TUBGCP3: variants seen among roughly 807,000 people sequenced by gnomAD.
TUBGCP3 encodes the protein gamma-tubulin complex component 3.
Under a neutral mutation model 123.1 loss-of-function variants are expected in TUBGCP3, and 50 were observed. The observed-to-expected ratio is 0.41, with a 90% CI of 0.32 to 0.51. The LOEUF is 0.51. TUBGCP3 is among the 20% of genes least tolerant of loss of function. The pLI is 0.36. For missense variants in TUBGCP3, 882 were observed against 1,127.0 expected, an observed-to-expected ratio of 0.78 and a Z score of 3.11; for synonymous variants, 405 against 413.9, an observed-to-expected ratio of 0.98 and a Z score of 0.26.
chr13:112,583,802 T>TC (rs1882428446), intron 1 of TUBGCP3, among the ~76,000 whole-genome samples: 1 of 151,886 alleles, frequency 6.6e-6, no homozygotes, highest in South Asian at 2.1e-4. Context: ...GGGGGAGGGG[T>TC]CAGGAGGGCG....
intron 1 of TUBGCP3, among the ~76,000 whole-genome samples, chr13:112,586,694 C>T (rs1052708003): frequency 1.3e-5 from 2 of 152,156 alleles, no homozygotes; most frequent in African/African-American, 4.8e-5. Flanking sequence ...TGCTAATTAA[C>T]ATGGCTGGTT....
At chr13:112,569,085 A>G in intron 2 of TUBGCP3, 67 bp downstream of exon 2, 1 of 1,465,168 alleles carries the variant, frequency 6.8e-7, no homozygotes, top group South Asian at 1.2e-5. Flanking sequence ...ACACATGCAT[A>G]CATACATCTG....
rs1876437615 is a variant in TUBGCP3 at position 112,519,541 on chromosome 13, T to C, written c.1881+345A>G. 6.6e-6 allele frequency among the ~76,000 whole-genome samples: 1 copy of C among 152,208 alleles called. No individual in the cohort carries two copies. Among genetic ancestry groups the C allele is most frequent in the Non-Finnish European group, 1.5e-5 (1 of 68,040 alleles). On this transcript the variant is annotated intron_variant, in intron 15 of 21. Transcript: ENST00000261965. The surrounding 1 kb of genome is among the most constrained non-coding windows in gnomAD (Gnocchi z 6.2). ...CATCGTACACCATGTCTTGTGCTCC[T>C]GTTGGATTTACTATGAGAAGAAAGC... is the stretch of plus-strand genomic sequence containing the variant.
Position 112,569,211 on chromosome 13 carries a change from T to C in TUBGCP3, c.125A>G (p.Asn42Ser), listed in dbSNP as rs763321156. The change falls in exon 2 of 22, where the codon AAC becomes AGC. Residue 42 changes from asparagine (N) to serine (S), a missense_variant. Physicochemically the swap from Asn to Ser is conservative, Grantham distance 46. This residue lies in a region of TUBGCP3 where 713 missense variants were observed against 874.0 expected (regional missense o/e 0.82). Coordinates refer to ENST00000261965, the MANE Select transcript of TUBGCP3 (RefSeq NM_006322.6). Reference protein sequence around the residue: ...FQYAVRVIGSNFAPTVERDEF... With the variant: ...FQYAVRVIGSSFAPTVERDEF... ...ATCTCTTTCAACAGTTGGGGCGAAG[T>C]TGCTGCCAATCACCCGCACAGCATA... 6.2e-6 allele frequency: 10 copies of C among 1,614,066 alleles called. No homozygotes were observed. The highest frequency in any genetic ancestry group is 1.7e-5 in the Admixed American group (1 of 60,010).
chr13:112,519,887 T>A lies in TUBGCP3; in HGVS notation c.1880A>T (p.Glu627Val). The A allele has an allele frequency of 6.2e-7, 1 of 1,613,172 alleles. No homozygotes were observed. Among genetic ancestry groups the A allele is most frequent in the Non-Finnish European group, 8.5e-7 (1 of 1,179,406 alleles). Residue 627 changes from glutamate (E) to valine (V), a missense_variant and splice_region_variant, in exon 15 of 22, where the codon GAG (glutamate) becomes GTG (valine). Around this residue, in one of 3 missense-constraint regions of TUBGCP3, gnomAD observed 713 missense variants for 874.0 expected, o/e 0.82. Coordinates refer to ENST00000261965, the MANE Select transcript of TUBGCP3 (RefSeq NM_006322.6). The surrounding 1 kb of genome is among the most constrained non-coding windows in gnomAD (Gnocchi z 6.2). ...ILRRLDVRLL[E>V]VSPGDTGWDV... is the part of the protein sequence containing the mutation. The stretch of plus-strand genomic sequence containing the variant: ...TCCCAACACGCAGAGCCGCAGTACC[T>A]CCAGCAGCCGCACGTCCAGCCTTCG...
rs761692290 is a variant in TUBGCP3 at position 112,558,361 on chromosome 13, G to A, written c.383C>T (p.Ser128Leu). 2.5e-6 allele frequency: 4 copies of A among 1,606,388 alleles called. No individual in the cohort carries two copies. Among genetic ancestry groups the A allele is most frequent in the Non-Finnish European group, 3.4e-6 (4 of 1,173,638 alleles). The change falls in exon 5 of 22, where the codon TCA (serine) becomes TTA (leucine). Residue 128 changes from serine (S) to leucine (L), a missense_variant. Physicochemically the swap from Ser to Leu is moderately radical, Grantham distance 145 (BLOSUM62 -2). Transcript: ENST00000261965. The part of the protein sequence containing the change: ...FAQALPRDAH[S>L]TPYYYARPQT... ...AGGCCTGGCATAGTAGTAAGGGGTT[G>A]AGTGGGCATCTCTTGGTAAGGCCTG...
rs1251564735 is a variant in TUBGCP3, at chr13:112,511,485, C to G, written c.2086+4955G>C. Among the ~76,000 whole-genome samples the G allele has an allele frequency of 2.0e-5, 3 of 152,262 alleles. No individual in the cohort carries two copies. The highest frequency in any genetic ancestry group is 2.1e-4 in the South Asian group (1 of 4,806). On this transcript the variant is annotated intron_variant, in intron 17 of 21. Transcript: ENST00000261965. The surrounding 1 kb of genome is among the most constrained non-coding windows in gnomAD (Gnocchi z 4.1). ...TCTTTTTGAAGGCAATGAACCGCAG[C>G]TGGGCCGGTACTAAAGGCTGTGCTG...
At chr13:112,565,426 T>C (rs1300315869) in intron 2 of TUBGCP3, among the ~76,000 whole-genome samples, 1 of 152,286 alleles carries the variant, frequency 6.6e-6, no homozygotes, top group African/African-American at 2.4e-5. Context: ...TTAGGTAAAG[T>C]AATAGAAATA....
At chr13:112,501,085 A>T (rs1366618965) in intron 19 of TUBGCP3, among the ~76,000 whole-genome samples, 2 of 152,196 alleles carry the variant, frequency 1.3e-5, no homozygotes, top group South Asian at 2.1e-4. Flanking sequence ...CAACAAAAAC[A>T]ATGTGGACTG....
At chr13:112,532,903 A>G (rs1035398774) in intron 11 of TUBGCP3, among the ~76,000 whole-genome samples, 1 of 152,260 alleles carries the variant, frequency 6.6e-6, no homozygotes, top group African/African-American at 2.4e-5. Context: ...TTATTGTTAA[A>G]AAGTAAAATC....
Position 112,524,410 on chromosome 13 carries a change from A to G in TUBGCP3, c.1556-1901T>C, listed in dbSNP as rs1409307314. Among the ~76,000 whole-genome samples the G allele has an allele frequency of 6.6e-6, 1 of 152,174 alleles. No homozygotes were observed. The highest frequency in any genetic ancestry group is 1.5e-5 in the Non-Finnish European group (1 of 68,030). The stretch of plus-strand genomic sequence containing the variant: ...ACACAAGCAGCAGCAACCTTCATGG[A>G]GAGCCTCCGGCACAGCAGGCGCATG... On this transcript the variant is annotated intron_variant, in intron 13 of 21. Transcript: ENST00000261965. The surrounding 1 kb of genome is among the most constrained non-coding windows in gnomAD (Gnocchi z 4.4).
rs1876146095 is a variant in TUBGCP3 at position 112,516,525 on chromosome 13, G to C, written c.2001C>G (p.Leu667=). 1 of 1,614,174 alleles carries C rather than the reference G, an allele frequency of 6.2e-7. No individual in the cohort carries two copies. Among genetic ancestry groups the C allele is most frequent in the African/African-American group, 1.3e-5 (1 of 75,054 alleles). ...TGTATTCCATCCGCTTCGCCCTCCA[G>C]AGGAAGTTAAATACTCTTAGGTAGT... ...MSHYLRVFNF[L]WRAKRMEYIL... Residue 667 remains leucine, a synonymous_variant, in exon 17 of 22, where the codon CTC becomes CTG. Coordinates refer to ENST00000261965, the MANE Select transcript of TUBGCP3 (RefSeq NM_006322.6).
At position 112,516,447 on chromosome 13, in the gene TUBGCP3, G is replaced by A; in HGVS notation, c.2079C>T (p.Asn693=). 6.2e-7 allele frequency: 1 copy of A among 1,604,868 alleles called. No individual in the cohort carries two copies. Among genetic ancestry groups the A allele is most frequent in the Non-Finnish European group, 8.5e-7 (1 of 1,175,138 alleles). Residue 693 remains asparagine, a synonymous_variant, in exon 17 of 22, where the codon AAC becomes AAT. Coordinates refer to ENST00000261965, the MANE Select transcript of TUBGCP3 (RefSeq NM_006322.6). ...ACCGTGCTGGGGGCTCACCTGGCAT[G>A]TTTCTCAGGAGCTTTGCATTGCACA... ...GHMCNAKLLR[N]MPEFSGVLHQ... is the part of the protein sequence containing the mutation.
chr13:112,572,346 T>A (rs1242680035), intron 1 of TUBGCP3, among the ~76,000 whole-genome samples: 1 of 152,212 alleles, frequency 6.6e-6, no homozygotes, highest in African/African-American at 2.4e-5. Flanking sequence ...TGTGGCAGGT[T>A]TGTTACATAG....
At chr13:112,503,841 A>G (rs1881096782) in intron 19 of TUBGCP3, among the ~76,000 whole-genome samples, 191 bp downstream of exon 19, 1 of 152,188 alleles carries the variant, frequency 6.6e-6, no homozygotes, top group Non-Finnish European at 1.5e-5. Context: ...TTCTTGTTTC[A>G]GCACTACTGC....
intron 1 of TUBGCP3, among the ~76,000 whole-genome samples, chr13:112,570,075 C>T (rs9577810): frequency 0.16 from 24,596 of 151,992 alleles, 2,201 homozygotes; most frequent in Non-Finnish European, 0.21. Context: ...CAAGTTTGGA[C>T]GGAAACAGAC....
intron 1 of TUBGCP3, among the ~76,000 whole-genome samples, chr13:112,586,108 G>A (rs1223205899): frequency 6.6e-6 from 1 of 151,664 alleles, no homozygotes; most frequent in Admixed American, 6.6e-5. Context: ...GCGTGGTGGC[G>A]GGCGCCTGTA....
chr13:112,495,652 C>T (rs1880483402), intron 20 of TUBGCP3, among the ~76,000 whole-genome samples: 3 of 152,210 alleles, frequency 2.0e-5, no homozygotes, highest in South Asian at 4.1e-4. Context: ...TGTGATAATA[C>T]TGTGGATTTC....
In TUBGCP3 at chr13:112,578,720, A is replaced by G. The variant is rs143747606; in HGVS notation, c.76+9185T>C. On this transcript the variant is annotated intron_variant, in intron 1 of 21. Coordinates refer to ENST00000261965, the MANE Select transcript of TUBGCP3 (RefSeq NM_006322.6). ...TGTTTCTTTGTTTGATCACCAATAA[A>G]TAGTCTGGGCTTCCAGAGCTCAGGG... Among the ~76,000 whole-genome samples, 525 of 152,196 alleles carry G rather than the reference A, an allele frequency of 3.4e-3. 5 individuals carry two copies. The highest frequency in any genetic ancestry group is 0.012 in the African/African-American group (501 of 41,502).
Sources: allele counts gnomAD v4.1 joint callset (sites outside exome capture counted in the v4.1 genomes callset), GRCh38; gene constraint gnomAD v4.1.1; regional missense constraint gnomAD v4.1.1; non-coding constraint Gnocchi (gnomAD v3.1); transcripts MANE v1.5; gene names NCBI Gene and HGNC (gene_info 2026-07-23, HGNC 2026-07-21).